The following WWOX variants were observed in gnomAD, a reference collection of about 807,000 sequenced individuals.
The protein encoded by WWOX is WW domain containing oxidoreductase, also known as WW domain-containing oxidoreductase.
WWOX carries 69 observed loss-of-function variants against 46.2 expected under a neutral mutation model. The ratio of observed to expected loss-of-function variants is 1.49; its 90% CI spans 1.23 to 1.82. The LOEUF is 1.82. Among genes scored for constraint, WWOX ranks in the 40% most tolerant of loss-of-function variants. WWOX has a pLI of 0.00. For synonymous variants in WWOX, 359 were observed against 202.6 expected (o/e 1.77, Z -6.56); for missense variants, 919 against 542.6 (o/e 1.69, Z -6.89).
At chr16:78,499,502 A>G (rs2738735) in intron 8 of WWOX, among the ~76,000 whole-genome samples, 134,526 of 151,974 alleles carry the variant, frequency 0.89, 60,340 homozygotes, top group Non-Finnish European at 0.96. Context: ...GTTCTTTGGC[A>G]ACTAGCAGCG....
intron 8 of WWOX, among the ~76,000 whole-genome samples, chr16:78,612,561 G>C (rs1475334301): frequency 6.6e-6 from 1 of 152,144 alleles, no homozygotes; most frequent in Non-Finnish European, 1.5e-5. Flanking sequence ...TTGCAGCCTG[G>C]AACTCATGGG....
At chr16:79,206,169 G>T (rs1036142955) in intron 8 of WWOX, 1 of 152,136 alleles carries the variant, frequency 6.6e-6, no homozygotes, top group East Asian at 1.9e-4. Flanking sequence ...GTGAACACAC[G>T]ACAGCCCCCA....
At chr16:78,585,986 C>T (rs2045193962) in intron 8 of WWOX, among the ~76,000 whole-genome samples, 1 of 152,010 alleles carries the variant, frequency 6.6e-6, no homozygotes, top group Non-Finnish European at 1.5e-5. Flanking sequence ...CCCTTGAGCC[C>T]AGGAGGTTAG....
intron 8 of WWOX, among the ~76,000 whole-genome samples, chr16:79,056,930 A>G (rs1038230043): frequency 6.6e-6 from 1 of 152,246 alleles, no homozygotes; most frequent in African/African-American, 2.4e-5. Flanking sequence ...TAAGGAGTGT[A>G]TAGTCGTGTG....
chr16:78,642,495 C>G (rs181611038), intron 8 of WWOX, among the ~76,000 whole-genome samples: 42 of 152,248 alleles, frequency 2.8e-4, no homozygotes, highest in Admixed American at 4.6e-4. Context: ...TGCACCAGGT[C>G]AGATTCAATG....
At chr16:78,966,821 T>C (rs966990328) in intron 8 of WWOX, among the ~76,000 whole-genome samples, 1 of 152,198 alleles carries the variant, frequency 6.6e-6, no homozygotes, top group African/African-American at 2.4e-5. Flanking sequence ...AATTACCTAC[T>C]GCTTTGGGCC....
At chr16:78,380,267 A>T (rs72796066) in intron 5 of WWOX, among the ~76,000 whole-genome samples, 8,051 of 152,240 alleles carry the variant, frequency 0.053, 285 homozygotes, top group East Asian at 0.12. Context: ...TGTGGACATA[A>T]TGGAATATGG....
chr16:78,120,382 A>C (rs1217681447), intron 4 of WWOX, among the ~76,000 whole-genome samples: 3 of 152,200 alleles, frequency 2.0e-5, no homozygotes, highest in African/African-American at 7.2e-5. Flanking sequence ...CATCCTGGCT[A>C]ACAAGGTGAA....
intron 8 of WWOX, among the ~76,000 whole-genome samples, chr16:79,082,251 G>A (rs1459953800): frequency 2.0e-5 from 3 of 152,286 alleles, no homozygotes; most frequent in South Asian, 4.1e-4. Context: ...GGAAACAGAG[G>A]CAGAGGAGAA....
chr16:78,160,888 A>T (rs7193947), intron 4 of WWOX, among the ~76,000 whole-genome samples: 1 of 152,022 alleles, frequency 6.6e-6, no homozygotes. Flanking sequence ...AAAATCTTCC[A>T]TTATAATTGT....
intron 6 of WWOX, among the ~76,000 whole-genome samples, chr16:78,392,388 C>G (rs2082195854): frequency 6.6e-6 from 1 of 151,994 alleles, no homozygotes; most frequent in African/African-American, 2.4e-5. Context: ...TCTAGGAAAA[C>G]AAGCTCAGGG....
chr16:78,422,720 C>CACAT (rs1299973391), intron 6 of WWOX, among the ~76,000 whole-genome samples: 25 of 95,848 alleles, frequency 2.6e-4, no homozygotes, highest in East Asian at 7.3e-4. Flanking sequence ...TACACACACA[C>CACAT]ATATATATAT....
chr16:78,498,973 C>G (rs1317167349), intron 8 of WWOX, among the ~76,000 whole-genome samples: 1 of 152,150 alleles, frequency 6.6e-6, no homozygotes, highest in Non-Finnish European at 1.5e-5. Context: ...TATGAAGGCT[C>G]AAGGAATACT....
chr16:78,684,628 C>T (rs1206895428), intron 8 of WWOX, among the ~76,000 whole-genome samples: 1 of 152,180 alleles, frequency 6.6e-6, no homozygotes, highest in Non-Finnish European at 1.5e-5. Context: ...TCCACCGTCC[C>T]TGCTAATGGC....
At chr16:78,719,598 A>G (rs1017504696) in intron 8 of WWOX, among the ~76,000 whole-genome samples, 12 of 152,250 alleles carry the variant, frequency 7.9e-5, no homozygotes, top group African/African-American at 2.9e-4. Context: ...AGACCCCTCA[A>G]TGCTTTGGAA....
At chr16:78,166,173 T>G (rs1028850478) in intron 5 of WWOX, among the ~76,000 whole-genome samples, 4 of 152,238 alleles carry the variant, frequency 2.6e-5, no homozygotes, top group Non-Finnish European at 4.4e-5. Context: ...TACTTTTTTT[T>G]TTTTTAAACT....
intron 8 of WWOX, among the ~76,000 whole-genome samples, chr16:78,915,824 C>G (rs753042302): frequency 4.5e-4 from 68 of 152,272 alleles, no homozygotes; most frequent in Non-Finnish European, 8.7e-4. Context: ...TCTTCTTCTT[C>G]CAATTTTTAA....
chr16:78,556,145 G>T (rs28687257), intron 8 of WWOX, among the ~76,000 whole-genome samples: 1 of 151,720 alleles, frequency 6.6e-6, no homozygotes, highest in African/African-American at 2.4e-5. Context: ...TTTCAAAGAC[G>T]CAAGAGGGTC....
chr16:78,417,736 G>T (rs2082831479), intron 6 of WWOX, among the ~76,000 whole-genome samples: 1 of 152,164 alleles, frequency 6.6e-6, no homozygotes, highest in African/African-American at 2.4e-5. Flanking sequence ...AGTGTTACAG[G>T]TAGGCTCGGT....
Sources: allele counts gnomAD v4.1 joint callset (sites outside exome capture counted in the v4.1 genomes callset), GRCh38; gene constraint gnomAD v4.1.1; transcripts MANE v1.5; gene names NCBI Gene and HGNC (gene_info 2026-07-23, HGNC 2026-07-21).